The following CENPP variants were observed in gnomAD, a reference collection of about 807,000 sequenced individuals.
The protein encoded by CENPP is centromere protein P.
CENPP carries 24 observed loss-of-function variants against 35.6 expected under a neutral mutation model. The ratio of observed to expected loss-of-function variants is 0.67; its 90% CI spans 0.49 to 0.95. The LOEUF is 0.95. Ranked by LOEUF, CENPP falls within the 40% of genes least tolerant of loss-of-function variation. The pLI is 0.00. For synonymous variants in CENPP, 120 were observed against 125.5 expected, an observed-to-expected ratio of 0.96 and a Z score of 0.29; for missense variants, 332 against 345.3, an observed-to-expected ratio of 0.96 and a Z score of 0.31.
At chr9:92,424,953 G>A (rs1167627400) in intron 5 of CENPP, among the ~76,000 whole-genome samples, 1 of 152,186 alleles carries the variant, frequency 6.6e-6, no homozygotes, top group Non-Finnish European at 1.5e-5. Flanking sequence ...TGGGATTACA[G>A]GCATGAGCCA....
At chr9:92,559,366 A>G (rs1849798997) in intron 5 of CENPP, among the ~76,000 whole-genome samples, 1 of 152,118 alleles carries the variant, frequency 6.6e-6, no homozygotes, top group Admixed American at 6.5e-5. Context: ...AAAATCGGAA[A>G]CTTCTCCCGC....
intron 5 of CENPP, among the ~76,000 whole-genome samples, chr9:92,390,544 C>G (rs1161458781): frequency 6.7e-6 from 1 of 150,032 alleles, no homozygotes; most frequent in Non-Finnish European, 1.5e-5. Flanking sequence ...TAAAGTGACA[C>G]AGATTGAGAG....
At chr9:92,549,359 T>G (rs1023137117) in intron 5 of CENPP, among the ~76,000 whole-genome samples, 1 of 152,120 alleles carries the variant, frequency 6.6e-6, no homozygotes, top group Non-Finnish European at 1.5e-5. Context: ...GAGTGAAAAC[T>G]AGATGAAGCT....
At chr9:92,516,229 T>C (rs559883356) in intron 5 of CENPP, among the ~76,000 whole-genome samples, 1 of 152,086 alleles carries the variant, frequency 6.6e-6, no homozygotes, top group South Asian at 2.1e-4. Flanking sequence ...CATGCCAGGC[T>C]AATTTTTGTA....
intron 5 of CENPP, among the ~76,000 whole-genome samples, chr9:92,556,905 G>T (rs1194750906): frequency 1.3e-5 from 2 of 152,058 alleles, no homozygotes; most frequent in Non-Finnish European, 2.9e-5. Flanking sequence ...TTTTTAGCTT[G>T]TATTTTTGTT....
chr9:92,612,483 T>A, intron 6 of CENPP, 40 bp from the exon 7 acceptor site: 1 of 1,517,592 alleles, frequency 6.6e-7, no homozygotes, highest in Non-Finnish European at 9.2e-7. Context: ...TTCGCCAGAT[T>A]TCAAAAAGCA....
At chr9:92,522,709 A>G (rs1329867045) in intron 5 of CENPP, 2 of 1,614,174 alleles carry the variant, frequency 1.2e-6, no homozygotes, top group Middle Eastern at 1.7e-4. Context: ...CTGAATTCCA[A>G]GCTGTCTGTT....
intron 5 of CENPP, chr9:92,456,849 G>A (rs1844895439): frequency 1.9e-6 from 1 of 540,104 alleles, no homozygotes; most frequent in South Asian, 7.9e-5. Context: ...AATAAGAATA[G>A]TGTAATGCAC....
At chr9:92,544,239 G>C (rs1444332688) in intron 5 of CENPP, among the ~76,000 whole-genome samples, 2 of 152,234 alleles carry the variant, frequency 1.3e-5, no homozygotes, top group Non-Finnish European at 2.9e-5. Context: ...ACTTTGGGAG[G>C]CTGAGGCACG....
intron 5 of CENPP, among the ~76,000 whole-genome samples, chr9:92,428,745 C>A (rs1008019325): frequency 6.6e-6 from 1 of 152,090 alleles, no homozygotes; most frequent in African/African-American, 2.4e-5. Flanking sequence ...TCCAGTGATG[C>A]TTTATTTAAA....
intron 5 of CENPP, among the ~76,000 whole-genome samples, chr9:92,504,577 C>T (rs1330517522): frequency 6.6e-6 from 1 of 152,040 alleles, no homozygotes; most frequent in Non-Finnish European, 1.5e-5. Context: ...TCTGTGTTGC[C>T]CAGGCTGGAG....
chr9:92,565,293 T>TAAAAAAAAAAAAAA, intron 5 of CENPP, among the ~76,000 whole-genome samples: 1 of 33,162 alleles, frequency 3.0e-5, no homozygotes, highest in Non-Finnish European at 4.9e-5. Flanking sequence ...GCTGATGAGC[T>TAAAAAAAAAAAAAA]AAAAAAAAAA....
chr9:92,416,722 A>G, intron 5 of CENPP: 1 of 1,613,612 alleles, frequency 6.2e-7, no homozygotes, highest in Non-Finnish European at 8.5e-7. Flanking sequence ...CAATGTTGGG[A>G]AGATTAAAAA....
At chr9:92,381,733 G>T (rs1249828644) in intron 5 of CENPP, among the ~76,000 whole-genome samples, 1 of 152,146 alleles carries the variant, frequency 6.6e-6, no homozygotes, top group Non-Finnish European at 1.5e-5. Flanking sequence ...TCTTTTAAGT[G>T]TAATGATATA....
At chr9:92,388,449 A>C (rs1307333052) in intron 5 of CENPP, among the ~76,000 whole-genome samples, 1 of 152,064 alleles carries the variant, frequency 6.6e-6, no homozygotes, top group Non-Finnish European at 1.5e-5. Flanking sequence ...GGCGTGAGCC[A>C]CTGAACCTGT....
intron 5 of CENPP, among the ~76,000 whole-genome samples, chr9:92,474,088 G>T (rs573891236): frequency 4.9e-4 from 75 of 152,162 alleles, no homozygotes; most frequent in Non-Finnish European, 8.4e-4. Flanking sequence ...AAGTATTAAA[G>T]AAATAAAATA....
chr9:92,439,986 A>C (rs1343225011), intron 5 of CENPP, among the ~76,000 whole-genome samples: 1 of 152,204 alleles, frequency 6.6e-6, no homozygotes, highest in African/African-American at 2.4e-5. Context: ...ACCCATGGTC[A>C]ACCATGGTCC....
chr9:92,348,639 G>A (rs905744517), intron 4 of CENPP, among the ~76,000 whole-genome samples: 2 of 151,954 alleles, frequency 1.3e-5, no homozygotes, highest in African/African-American at 4.8e-5. Flanking sequence ...TGATCCACCC[G>A]CCTTGGCCTC....
At chr9:92,546,993 GCAGGT>G (rs1476423523) in intron 5 of CENPP, among the ~76,000 whole-genome samples, 1 of 152,098 alleles carries the variant, frequency 6.6e-6, no homozygotes, top group African/African-American at 2.4e-5. Context: ...GGAAAATTTT[GCAGGT>G]CAGTCTCACT....
Sources: allele counts gnomAD v4.1 joint callset (sites outside exome capture counted in the v4.1 genomes callset), GRCh38; gene constraint gnomAD v4.1.1; transcripts MANE v1.5; gene names NCBI Gene and HGNC (gene_info 2026-07-23, HGNC 2026-07-21).